Variants in PUS7L observed in about 807,000 individuals in gnomAD.
PUS7L encodes pseudouridylate synthase PUS7L.
In PUS7L, 49 loss-of-function variants were observed where a neutral mutation model predicts 51.1. That is an observed-to-expected ratio of 0.96 (90% CI 0.76 to 1.22). The LOEUF (loss-of-function observed/expected upper bound fraction) is 1.22. Among genes scored for constraint, PUS7L ranks in the 50% most tolerant of loss-of-function variants. PUS7L has a pLI of 0.00. For synonymous variants in PUS7L, 277 were observed against 276.2 expected (o/e 1.00, Z -0.03); for missense variants, 828 against 820.6 (o/e 1.01, Z -0.11).
chr12:43,720,283 A>C lies in PUS7L; in HGVS notation c.*10093T>G, dbSNP rs1418517963. On this transcript the variant is annotated 3_prime_UTR_variant, in exon 9 of 9. Transcript: ENST00000344862. ...CAGATCATTTGAGGTCAGGAGTTTG[A>C]GACCAGCATGGCCAACATGGTGAAA... The C allele has an allele frequency of 6.6e-6, 1 of 152,256 alleles. No homozygotes were observed. The highest frequency in any genetic ancestry group is 1.5e-5 in the Non-Finnish European group (1 of 68,056). 9.4% of individuals were successfully genotyped at this position (152,256 alleles called of 1,614,324 possible). A position where few individuals can be genotyped will look rare whatever the true frequency, so the allele number is the denominator to read the frequency against.
chr12:43,747,926 T>G (rs1446278509), intron 3 of PUS7L, among the ~76,000 whole-genome samples: 3 of 152,166 alleles, frequency 2.0e-5, no homozygotes, highest in Admixed American at 1.3e-4. Context: ...TAGCTGGGAT[T>G]ACAGGCGCAC....
chr12:43,742,739 ATTAGAAG>A, intron 4 of PUS7L, 184 bp from the exon 5 acceptor site: 1 of 703,894 alleles, frequency 1.4e-6, no homozygotes, highest in East Asian at 1.3e-4. Context: ...AAAACACAGA[ATTAGAAG>A]TTAGAACATA....
In PUS7L at chr12:43,754,430, C is replaced by T. The variant is rs753285523; in HGVS notation, c.816G>A (p.Pro272=). Residue 272 remains proline, a synonymous_variant, in exon 2 of 9, where the codon CCG becomes CCA. Transcript: ENST00000344862. The part of the protein sequence containing the change: ...FSKMNCSAGN[P]NVVVTVRFRE... The stretch of plus-strand genomic sequence containing the variant: ...GAAATCTTACTGTTACCACCACATT[C>T]GGATTACCAGCACTGCAATTCATTT... 6.2e-6 allele frequency: 10 copies of T among 1,613,774 alleles called. No homozygotes were observed. The highest frequency in any genetic ancestry group is 2.2e-5 in the East Asian group (1 of 44,872).
chr12:43,742,727 A>T, intron 4 of PUS7L, 172 bp from the exon 5 acceptor site: 1 of 777,908 alleles, frequency 1.3e-6, no homozygotes, highest in Non-Finnish European at 1.6e-6. Context: ...AGAAAAGGAA[A>T]GAAAACACAG....
chr12:43,735,273 C>T (rs1470928877), intron 7 of PUS7L, among the ~76,000 whole-genome samples: 3 of 151,230 alleles, frequency 2.0e-5, no homozygotes, highest in African/African-American at 4.9e-5. Flanking sequence ...GCCGAGATCG[C>T]GCCACTGCAC....
intron 2 of PUS7L, among the ~76,000 whole-genome samples, chr12:43,749,210 AC>A (rs1485642418): frequency 7.9e-5 from 12 of 152,226 alleles, no homozygotes; most frequent in South Asian, 4.2e-4. Flanking sequence ...ATATCCTGTA[AC>A]CCTGCCACAG....
At chr12:43,748,032 G>A (rs571083637) in intron 3 of PUS7L, among the ~76,000 whole-genome samples, 97 of 152,254 alleles carry the variant, frequency 6.4e-4, no homozygotes, top group African/African-American at 2.3e-3. Flanking sequence ...CAAGTGATCC[G>A]CCTGCCTCAG....
intron 4 of PUS7L, 107 bp from the exon 5 acceptor site, chr12:43,742,662 G>A: frequency 7.1e-7 from 1 of 1,408,204 alleles, no homozygotes; most frequent in Non-Finnish European, 9.2e-7. Context: ...GAATAACTCT[G>A]TAATCAGCAG....
rs911083833 is a variant in PUS7L at position 43,727,980 on chromosome 12, T to C, written c.*2396A>G. ...TCTCCTTCGGCATGTTTAATTGGCATGTGATGTTTAAAGGACATCCTTGCA... is the reference window on the plus strand; with the variant it reads ...TCTCCTTCGGCATGTTTAATTGGCACGTGATGTTTAAAGGACATCCTTGCA... On this transcript the variant is annotated 3_prime_UTR_variant, in exon 9 of 9. Transcript: ENST00000344862. The C allele has an allele frequency of 1.6e-4, 25 of 152,152 alleles. No individual in the cohort carries two copies. Among genetic ancestry groups the C allele is most frequent in the African/African-American group, 5.8e-4 (24 of 41,498 alleles). 9.4% of individuals were successfully genotyped at this position (152,152 alleles called of 1,614,324 possible).
In PUS7L at chr12:43,742,478, T is replaced by C. The variant is rs769556865; in HGVS notation, c.1341A>G (p.Leu447=). Residue 447 remains leucine (L), a synonymous_variant, in exon 5 of 9, where the codon CTA becomes CTG. Coordinates refer to ENST00000344862, the MANE Select transcript of PUS7L (RefSeq NM_031292.5). ...ATACCATTTCATTCTTCAGCAAAGC[T>C]AGTCCAATTTGGTCTGTGTGAACTT... The part of the protein sequence containing the change: ...GRKVHTDQIG[L]ALLKNEMMKA... The C allele has an allele frequency of 2.5e-6, 4 of 1,609,320 alleles. No homozygotes were observed. The highest frequency in any genetic ancestry group is 3.4e-6 in the Non-Finnish European group (4 of 1,177,766).
At position 43,728,891 on chromosome 12, in the gene PUS7L, G is replaced by A. The variant is rs1213864605; in HGVS notation, c.*1485C>T. 4.6e-6 allele frequency: 1 copy of A among 215,394 alleles called. No individual in the cohort carries two copies. The highest frequency in any genetic ancestry group is 2.3e-5 in the African/African-American group (1 of 44,210). 13.3% of individuals were successfully genotyped at this position (215,394 alleles called of 1,614,324 possible). A position where few individuals can be genotyped will look rare whatever the true frequency, so the allele number is the denominator to read the frequency against. On this transcript the variant is annotated 3_prime_UTR_variant, in exon 9 of 9. Coordinates refer to ENST00000344862, the MANE Select transcript of PUS7L (RefSeq NM_031292.5). The stretch of plus-strand genomic sequence containing the variant: ...CAGATGTTGAAACTGAAGCCCATGA[G>A]TTTAAATAACTTTCCCAAGGCTGCA...
chr12:43,758,390 C>A (rs879326961), intron 1 of PUS7L: 65 of 985,418 alleles, frequency 6.6e-5, no homozygotes, highest in Non-Finnish European at 7.7e-5. Flanking sequence ...GTTTGCTTGG[C>A]CCGTGGTTGA....
Position 43,730,696 on chromosome 12 carries a change from G to C in PUS7L, c.1786C>G (p.Leu596Val). Residue 596 changes from leucine to valine, a missense_variant, in exon 9 of 9, where the codon CTT (leucine) becomes GTT (valine). Physicochemically the swap from Leu to Val is conservative, Grantham distance 32 (BLOSUM62 1). Transcript: ENST00000344862. ...TGAATATTGTATCCAAGTACTGGAA[G>C]AACCACCTGTGAAAGAAAAGAGGGA... ...ANMYAIHQVV[L>V]PVLGYNIQYP... The C allele has an allele frequency of 6.3e-7, 1 of 1,584,780 alleles. No individual in the cohort carries two copies.
chr12:43,757,331 C>T lies in PUS7L; in HGVS notation c.-17+1399G>A, dbSNP rs78652973. On this transcript the variant is annotated intron_variant, in intron 1 of 8. Coordinates refer to ENST00000344862, the MANE Select transcript of PUS7L (RefSeq NM_031292.5). ...GACCACAGGGGCGCGCCACCACGCCCGGCTAATTCTTGTATTTTTTTAGTA... is the reference window on the plus strand; with the variant it reads ...GACCACAGGGGCGCGCCACCACGCCTGGCTAATTCTTGTATTTTTTTAGTA... 4.0e-3 allele frequency among the ~76,000 whole-genome samples: 604 copies of T among 152,210 alleles called. 3 individuals carry two copies. Among genetic ancestry groups the T allele is most frequent in the African/African-American group, 0.014 (582 of 41,530 alleles).
rs1051035487 is a variant in PUS7L, at chr12:43,726,318, G to A, written c.*4058C>T. 1 of 152,156 alleles carries A rather than the reference G, an allele frequency of 6.6e-6. No homozygotes were observed. The highest frequency in any genetic ancestry group is 1.5e-5 in the Non-Finnish European group (1 of 68,036). 9.4% of individuals were successfully genotyped at this position (152,156 alleles called of 1,614,324 possible). A position where few individuals can be genotyped will look rare whatever the true frequency, so the allele number is the denominator to read the frequency against. ...GAAAGGACTCCCTATTTAATAAATG[G>A]TGCTGGGATAACTGGTTAGCCACAT... On this transcript the variant is annotated 3_prime_UTR_variant, in exon 9 of 9. Coordinates refer to ENST00000344862, the MANE Select transcript of PUS7L (RefSeq NM_031292.5).
At chr12:43,732,891 A>G (rs1248438338) in intron 7 of PUS7L, among the ~76,000 whole-genome samples, 1 of 152,222 alleles carries the variant, frequency 6.6e-6, no homozygotes, top group African/African-American at 2.4e-5. Context: ...AAAATACAAG[A>G]GACAGACTAC....
chr12:43,734,034 G>A (rs542896036), intron 7 of PUS7L, among the ~76,000 whole-genome samples: 92 of 152,112 alleles, frequency 6.0e-4, no homozygotes, highest in Non-Finnish European at 1.1e-3. Context: ...TCAAGTAGCG[G>A]CACTCTCATT....
Position 43,738,306 on chromosome 12 carries a change from A to C in PUS7L, c.1444+4T>G, listed in dbSNP as rs1937712734. The C allele has an allele frequency of 6.8e-7, 1 of 1,470,908 alleles. No homozygotes were observed. The highest frequency in any genetic ancestry group is 1.4e-5 in the African/African-American group (1 of 72,000). 91.1% of individuals were successfully genotyped at this position (1,470,908 alleles called of 1,614,324 possible). On this transcript the variant is annotated splice_donor_region_variant and intron_variant, in intron 6 of 8. Coordinates refer to ENST00000344862, the MANE Select transcript of PUS7L (RefSeq NM_031292.5). Reference sequence around the variant, plus strand: ...TTATGTACAGGATAAAGAAACGTAAATACCAGTTTGAAGAAAATACTTCTT... The same window carrying C: ...TTATGTACAGGATAAAGAAACGTAACTACCAGTTTGAAGAAAATACTTCTT...
At chr12:43,751,209 T>TA (rs1180759107) in intron 2 of PUS7L, among the ~76,000 whole-genome samples, 1 of 150,254 alleles carries the variant, frequency 6.7e-6, no homozygotes. Flanking sequence ...TATATATATA[T>TA]TATTATACTT....
Sources: gnomAD v4.1 joint callset for allele counts (sites outside exome capture counted in the v4.1 genomes callset) on GRCh38, gnomAD v4.1.1 for gene constraint, MANE v1.5 for transcripts, NCBI Gene and HGNC (gene_info 2026-07-23, HGNC 2026-07-21) for gene names.